The following STAB2 variants were observed in gnomAD, a reference collection of about 807,000 sequenced individuals.
The protein encoded by STAB2 is stabilin-2.
Under a neutral mutation model 338.1 loss-of-function variants are expected in STAB2, and 288 were observed. The ratio of observed to expected loss-of-function variants is 0.85; its 90% CI spans 0.77 to 0.94. The LOEUF is 0.94. Ranked by LOEUF, STAB2 falls within the 40% of genes least tolerant of loss-of-function variation. The pLI, the probability that STAB2 is intolerant of heterozygous loss-of-function variation, is 0.00. For synonymous variants in STAB2, 1,202 were observed against 1,193.3 expected, an observed-to-expected ratio of 1.01 and a Z score of -0.15; for missense variants, 3,141 against 3,210.1, an observed-to-expected ratio of 0.98 and a Z score of 0.52.
chr12:103,679,388 G>C (rs1051127289), intron 25 of STAB2, among the ~76,000 whole-genome samples: 23 of 151,884 alleles, frequency 1.5e-4, no homozygotes, highest in African/African-American at 5.6e-4. Flanking sequence ...AAAAAAAAGG[G>C]GGGTCAACAT....
chr12:103,701,617 A>G (rs1194657707), intron 34 of STAB2, among the ~76,000 whole-genome samples: 1 of 152,246 alleles, frequency 6.6e-6, no homozygotes, highest in African/African-American at 2.4e-5. Context: ...CAGTATTACA[A>G]TATCAAATGT....
intron 60 of STAB2, among the ~76,000 whole-genome samples, 185 bp downstream of exon 60, chr12:103,750,905 A>G (rs1460253819): frequency 6.6e-6 from 1 of 152,270 alleles, no homozygotes; most frequent in Non-Finnish European, 1.5e-5. Context: ...AGCCCGGCCA[A>G]CATGGCAAAA....
intron 56 of STAB2, among the ~76,000 whole-genome samples, chr12:103,743,248 C>T (rs1375170704): frequency 1.3e-5 from 2 of 151,914 alleles, no homozygotes; most frequent in Non-Finnish European, 2.9e-5. Flanking sequence ...TCTCAAACTC[C>T]CGACCTCAGG....
chr12:103,730,260 G>T lies in STAB2; in HGVS notation c.5223+4G>T. On this transcript the variant is annotated splice_donor_region_variant and intron_variant, in intron 49 of 68. Coordinates refer to ENST00000388887, the MANE Select transcript of STAB2 (RefSeq NM_017564.10). ...AGACAACTCTGGAAGAATTCTGGTAGGTAAACTCTCTGTTATGTTTTCAGC... is the reference window on the plus strand; with the variant it reads ...AGACAACTCTGGAAGAATTCTGGTATGTAAACTCTCTGTTATGTTTTCAGC... The T allele has an allele frequency of 6.2e-7, 1 of 1,613,356 alleles. No homozygotes were observed. The highest frequency in any genetic ancestry group is 1.3e-5 in the African/African-American group (1 of 75,004).
intron 10 of STAB2, among the ~76,000 whole-genome samples, 193 bp downstream of exon 10, chr12:103,649,016 A>G (rs1233327925): frequency 1.3e-5 from 2 of 152,188 alleles, no homozygotes; most frequent in Non-Finnish European, 2.9e-5. Context: ...TAGTGCCAAG[A>G]GATCTAGCAA....
chr12:103,592,338 T>A (rs549056846), intron 2 of STAB2: 1 of 152,302 alleles, frequency 6.6e-6, no homozygotes, highest in Non-Finnish European at 1.5e-5. Flanking sequence ...TACTGGCTAC[T>A]TTTTTGTTCA....
chr12:103,673,810 G>C (rs1471918829), intron 22 of STAB2, 97 bp from the exon 23 acceptor site: 11 of 1,283,318 alleles, frequency 8.6e-6, no homozygotes, highest in Non-Finnish European at 1.2e-5. Flanking sequence ...GTGAGTGGGG[G>C]GTGAGAAGAG....
At chr12:103,661,290 A>C (rs868453250) in intron 17 of STAB2, among the ~76,000 whole-genome samples, 1 of 152,168 alleles carries the variant, frequency 6.6e-6, no homozygotes, top group South Asian at 2.1e-4. Flanking sequence ...ATTCATTTTT[A>C]AAACTCCAAA....
intron 56 of STAB2, among the ~76,000 whole-genome samples, chr12:103,743,579 C>A (rs1362003022): frequency 6.6e-6 from 1 of 152,138 alleles, no homozygotes; most frequent in Non-Finnish European, 1.5e-5. Flanking sequence ...ATCAAACTTT[C>A]GGCAGTGCGG....
At chr12:103,657,214 C>T (rs1328214810) in intron 15 of STAB2, among the ~76,000 whole-genome samples, 2 of 120,190 alleles carry the variant, frequency 1.7e-5, no homozygotes, top group African/African-American at 3.4e-5. Context: ...CACATTCATA[C>T]TTAAAGTGAG....
intron 51 of STAB2, among the ~76,000 whole-genome samples, chr12:103,733,499 C>G (rs1020610935): frequency 1.3e-5 from 2 of 152,152 alleles, no homozygotes; most frequent in Non-Finnish European, 2.9e-5. Context: ...AAAATGGCTG[C>G]TGAAAACAGT....
intron 53 of STAB2, 24 bp from the exon 54 acceptor site, chr12:103,739,388 A>G (rs754507932): frequency 1.3e-6 from 2 of 1,559,810 alleles, no homozygotes; most frequent in East Asian, 4.7e-5. Context: ...TTGGTTTTCA[A>G]GTGTTTCTTT....
chr12:103,707,077 G>C, intron 38 of STAB2, 90 bp downstream of exon 38: 1 of 1,452,084 alleles, frequency 6.9e-7, no homozygotes, highest in Non-Finnish European at 9.3e-7. Context: ...GTGCTCTCTA[G>C]CTGGCCTGTC....
chr12:103,734,155 C>T (rs977878699), intron 51 of STAB2, among the ~76,000 whole-genome samples: 1 of 129,648 alleles, frequency 7.7e-6, no homozygotes, highest in Non-Finnish European at 1.6e-5. Context: ...GGAGCATGCA[C>T]AGTCTCATAG....
At chr12:103,743,318 C>T (rs536352169) in intron 56 of STAB2, among the ~76,000 whole-genome samples, 37 of 152,172 alleles carry the variant, frequency 2.4e-4, no homozygotes, top group Admixed American at 9.8e-4. Flanking sequence ...CCACTGTGCC[C>T]GGCTGAATAT....
chr12:103,719,380 C>A (rs2139034063), intron 44 of STAB2, among the ~76,000 whole-genome samples: 1 of 152,328 alleles, frequency 6.6e-6, no homozygotes, highest in Middle Eastern at 3.4e-3. Flanking sequence ...GTGCCTCTTT[C>A]CTAGGACTGC....
intron 58 of STAB2, among the ~76,000 whole-genome samples, chr12:103,747,693 T>C (rs745562889): frequency 2.0e-5 from 3 of 152,048 alleles, no homozygotes; most frequent in Non-Finnish European, 4.4e-5. Flanking sequence ...AAATCTATTA[T>C]TACAGAAAAA....
intron 47 of STAB2, among the ~76,000 whole-genome samples, chr12:103,727,783 T>C (rs1881328411): frequency 6.6e-6 from 1 of 152,154 alleles, no homozygotes; most frequent in Non-Finnish European, 1.5e-5. Flanking sequence ...TAATGATGGG[T>C]AACATTTACT....
rs368161664 is a variant in STAB2 at position 103,708,494 on chromosome 12, T to C, written c.4246T>C (p.Cys1416Arg). 3 of 1,614,082 alleles carry C rather than the reference T, an allele frequency of 1.9e-6. No homozygotes were observed. Among genetic ancestry groups the C allele is most frequent in the Non-Finnish European group, 2.5e-6 (3 of 1,179,932 alleles). ...CCAAGGACCCTTGGGAGATGGCTCC[T>C]GTGACTGTGATGTTGGCTGGCGAGG... ...CNQGPLGDGS[C>R]DCDVGWRGVH... Residue 1416 changes from cysteine (C) to arginine (R), a missense_variant, in exon 39 of 69, where the codon TGT (cysteine) becomes CGT (arginine). Cys to Arg is a radical substitution (Grantham distance 180, BLOSUM62 -3). Transcript: ENST00000388887.
Sources: gnomAD v4.1 joint callset for allele counts (sites outside exome capture counted in the v4.1 genomes callset) on GRCh38, gnomAD v4.1.1 for gene constraint, MANE v1.5 for transcripts, NCBI Gene and HGNC (gene_info 2026-07-23, HGNC 2026-07-21) for gene names.